Variants in BBX observed in about 807,000 individuals in gnomAD.
BBX encodes the protein HMG box transcription factor BBX.
Under a neutral mutation model 100.2 loss-of-function variants are expected in BBX, and 30 were observed. The ratio of observed to expected loss-of-function variants is 0.30; its 90% CI spans 0.22 to 0.41. BBX has a LOEUF of 0.41. Ranked by LOEUF, BBX falls within the 10% of genes least tolerant of loss-of-function variation. BBX has a pLI of 1.00. For missense variants in BBX, 1,023 were observed against 1,129.8 expected, an observed-to-expected ratio of 0.91 and a Z score of 1.35; for synonymous variants, 376 against 388.1, an observed-to-expected ratio of 0.97 and a Z score of 0.37.
intron 3 of BBX, among the ~76,000 whole-genome samples, chr3:107,683,846 T>C (rs1425526293): frequency 6.6e-6 from 1 of 152,226 alleles, no homozygotes; most frequent in African/African-American, 2.4e-5. Context: ...TAGGCATGCA[T>C]GTGCCTGCAC....
chr3:107,711,641 A>G (rs185218935), intron 4 of BBX, among the ~76,000 whole-genome samples: 1 of 152,260 alleles, frequency 6.6e-6, no homozygotes, highest in Admixed American at 6.5e-5. Flanking sequence ...GTACACATCT[A>G]TGTAATTGTC....
Position 107,731,855 on chromosome 3 carries a change from G to A in BBX, c.602-1101G>A, listed in dbSNP as rs528645584. Among the ~76,000 whole-genome samples, 8 of 152,190 alleles carry A rather than the reference G, an allele frequency of 5.3e-5. No homozygotes were observed. The South Asian group carries it at 1.7e-3, about 32-fold the overall frequency. ...ACTGAATTTCTTTGTGCAACATTTT[G>A]ACTGATCCTCATTTTCAATTGTAGA... is the stretch of plus-strand genomic sequence containing the variant. On this transcript the variant is annotated intron_variant, in intron 6 of 17. Transcript: ENST00000325805.
intron 11 of BBX, among the ~76,000 whole-genome samples, chr3:107,774,297 CAT>C (rs1296582349): frequency 1.3e-5 from 2 of 152,104 alleles, no homozygotes; most frequent in East Asian, 3.8e-4. Flanking sequence ...TCCAACAAGA[CAT>C]GTGTGAGTCC....
intron 2 of BBX, among the ~76,000 whole-genome samples, chr3:107,593,606 G>A (rs556964893): frequency 6.8e-4 from 104 of 152,224 alleles, no homozygotes; most frequent in African/African-American, 2.1e-3. Context: ...GGATCGTAGA[G>A]GGTAATGGGG....
intron 2 of BBX, among the ~76,000 whole-genome samples, chr3:107,530,776 A>G (rs1021080003): frequency 3.9e-5 from 6 of 152,238 alleles, no homozygotes; most frequent in Non-Finnish European, 8.8e-5. Context: ...AAGAACTGAA[A>G]CAAGTTTCCT....
chr3:107,580,052 CA>C (rs1490622623), intron 2 of BBX, among the ~76,000 whole-genome samples: 2 of 151,810 alleles, frequency 1.3e-5, no homozygotes, highest in Non-Finnish European at 2.9e-5. Flanking sequence ...TGCAAATCAG[CA>C]CAGCAGATTT....
intron 4 of BBX, among the ~76,000 whole-genome samples, chr3:107,716,019 C>G (rs2062077543): frequency 6.6e-6 from 1 of 152,126 alleles, no homozygotes. Context: ...TTTTTTTACA[C>G]AAGACTCTAC....
intron 3 of BBX, among the ~76,000 whole-genome samples, chr3:107,705,187 C>T (rs749201987): frequency 3.9e-5 from 6 of 151,998 alleles, no homozygotes; most frequent in South Asian, 4.2e-4. Context: ...GAAGGCCGTG[C>T]GGTTTTGTAG....
At chr3:107,781,045 C>T (rs566904203) in intron 13 of BBX, among the ~76,000 whole-genome samples, 9 of 152,026 alleles carry the variant, frequency 5.9e-5, no homozygotes, top group African/African-American at 2.2e-4. Flanking sequence ...ATGACTTATA[C>T]TAGGTGCCTT....
chr3:107,709,407 A>G (rs2061579572), intron 3 of BBX, among the ~76,000 whole-genome samples: 1 of 152,230 alleles, frequency 6.6e-6, no homozygotes, highest in Admixed American at 6.5e-5. Context: ...ACATCGTGTT[A>G]AAAGTTTAAT....
At position 107,710,492 on chromosome 3, in the gene BBX, C is replaced by G. The variant is rs766765527; in HGVS notation, c.32C>G (p.Ser11Ter). The change falls in exon 4 of 18, where the codon TCA becomes TGA. Residue 11 changes from serine (S) to a stop codon, truncating the protein, a stop_gained. Coordinates refer to ENST00000325805, the MANE Select transcript of BBX (RefSeq NM_001142568.3). LOFTEE classifies it high-confidence loss of function. MKGSNRNKDH[S>*]AEGEGVGKRP... ...GGCAGTAATAGAAATAAGGATCATTCAGCAGAAGGAGAAGGGGTTGGAAAA... is the reference window on the plus strand; with the variant it reads ...GGCAGTAATAGAAATAAGGATCATTGAGCAGAAGGAGAAGGGGTTGGAAAA... 6.2e-7 allele frequency: 1 copy of G among 1,613,346 alleles called. No homozygotes were observed. The highest frequency in any genetic ancestry group is 2.2e-5 in the East Asian group (1 of 44,812).
At chr3:107,738,586 G>A (rs997724459) in intron 7 of BBX, among the ~76,000 whole-genome samples, 1 of 152,178 alleles carries the variant, frequency 6.6e-6, no homozygotes, top group Non-Finnish European at 1.5e-5. Flanking sequence ...CCACGATGGT[G>A]AGGCTACAAA....
chr3:107,673,193 G>A lies in BBX; in HGVS notation c.-10+27284G>A, dbSNP rs186422720. Among the ~76,000 whole-genome samples, 429 of 152,128 alleles carry A rather than the reference G, an allele frequency of 2.8e-3. 4 individuals carry two copies. The highest frequency in any genetic ancestry group is 1.0e-3 in the South Asian group (5 of 4,820). ...TAAGAGTTATTAATAAGAGTTTCAC[G>A]TTAACAGACTTTTGATAATAAAGAA... On this transcript the variant is annotated intron_variant, in intron 3 of 17. Coordinates refer to ENST00000325805, the MANE Select transcript of BBX (RefSeq NM_001142568.3).
intron 10 of BBX, among the ~76,000 whole-genome samples, chr3:107,768,330 T>A (rs2066563400): frequency 6.6e-6 from 1 of 152,214 alleles, no homozygotes; most frequent in African/African-American, 2.4e-5. Flanking sequence ...AGCAAGACTT[T>A]TGACAGATGT....
intron 4 of BBX, among the ~76,000 whole-genome samples, chr3:107,712,451 AG>A (rs1327674292): frequency 5.3e-5 from 8 of 152,132 alleles, no homozygotes; most frequent in African/African-American, 1.9e-4. Flanking sequence ...TTCTCAGTAA[AG>A]GGCAACTGCA....
chr3:107,661,290 C>G (rs1375130427), intron 3 of BBX, among the ~76,000 whole-genome samples: 2 of 151,958 alleles, frequency 1.3e-5, no homozygotes, highest in Non-Finnish European at 2.9e-5. Context: ...TAATATTCTA[C>G]TAGGGACAAT....
chr3:107,660,849 C>A (rs951390585), intron 3 of BBX, among the ~76,000 whole-genome samples: 1 of 152,076 alleles, frequency 6.6e-6, no homozygotes, highest in African/African-American at 2.4e-5. Flanking sequence ...TAATTTCTAC[C>A]CTATGAAGTA....
At chr3:107,626,313 G>A (rs1311983624) in intron 2 of BBX, among the ~76,000 whole-genome samples, 1 of 152,174 alleles carries the variant, frequency 6.6e-6, no homozygotes, top group Non-Finnish European at 1.5e-5. Context: ...TAGCATATCT[G>A]ATACCTTCCT....
chr3:107,571,459 AG>A (rs757995670), intron 2 of BBX, among the ~76,000 whole-genome samples: 44 of 152,192 alleles, frequency 2.9e-4, no homozygotes, highest in Non-Finnish European at 1.5e-4. Context: ...TCTCTACTAG[AG>A]GGGAGAAAGA....
Sources: gnomAD v4.1 joint callset for allele counts (sites outside exome capture counted in the v4.1 genomes callset) on GRCh38, gnomAD v4.1.1 for gene constraint, MANE v1.5 for transcripts, NCBI Gene and HGNC (gene_info 2026-07-23, HGNC 2026-07-21) for gene names.